The following SAMD12 variants were observed in gnomAD, a reference collection of about 807,000 sequenced individuals.
SAMD12 encodes sterile alpha motif domain-containing protein 12.
A neutral mutation model predicts 15.0 loss-of-function variants in SAMD12; 9 were observed. That is an observed-to-expected ratio of 0.60 (90% CI 0.36 to 1.05). SAMD12 has a LOEUF of 1.05. Ranked by LOEUF, SAMD12 falls within the 50% of genes least tolerant of loss-of-function variation. SAMD12 has a pLI of 0.01. For synonymous variants in SAMD12, 86 were observed against 90.1 expected (o/e 0.96, Z 0.25); for missense variants, 230 against 234.2 (o/e 0.98, Z 0.12).
intron 2 of SAMD12, among the ~76,000 whole-genome samples, chr8:118,495,010 A>C (rs1014022492): frequency 2.6e-5 from 4 of 152,202 alleles, no homozygotes; most frequent in African/African-American, 9.6e-5. Context: ...GGGGATATGA[A>C]AGTCTGTATA....
At chr8:118,619,309 C>G (rs894253270) in intron 1 of SAMD12, among the ~76,000 whole-genome samples, 1 of 151,926 alleles carries the variant, frequency 6.6e-6, no homozygotes, top group Admixed American at 6.6e-5. Context: ...AACTCCGTCT[C>G]TACTAAAAAT....
the SAMD12 span, among the ~76,000 whole-genome samples, chr8:118,161,927 A>T: frequency 6.6e-6 from 1 of 151,924 alleles, no homozygotes. Context: ...TGGGAGGCCC[A>T]GGCGGGTGGA....
chr8:118,249,013 T>A (rs1232997457), intron 4 of SAMD12, among the ~76,000 whole-genome samples: 2 of 152,170 alleles, frequency 1.3e-5, no homozygotes, highest in Non-Finnish European at 2.9e-5. Flanking sequence ...AATCTGTGAA[T>A]GCTCAAGTTC....
intron 2 of SAMD12, among the ~76,000 whole-genome samples, chr8:118,572,831 C>T (rs1827053509): frequency 6.6e-6 from 1 of 151,942 alleles, no homozygotes; most frequent in Admixed American, 6.6e-5. Context: ...TGTTTCCCCA[C>T]CCAAAATCTC....
At chr8:118,501,090 A>C (rs1425082993) in intron 2 of SAMD12, among the ~76,000 whole-genome samples, 1 of 152,138 alleles carries the variant, frequency 6.6e-6, no homozygotes, top group African/African-American at 2.4e-5. Flanking sequence ...TTGTCTTCAT[A>C]TGGCCCCTGA....
At chr8:118,208,409 A>G (rs1819928143) in intron 4 of SAMD12, among the ~76,000 whole-genome samples, 1 of 152,258 alleles carries the variant, frequency 6.6e-6, no homozygotes, top group African/African-American at 2.4e-5. Flanking sequence ...TCACCTGGGT[A>G]TCTTGTTAAA....
the SAMD12 span, among the ~76,000 whole-genome samples, chr8:118,165,924 C>T: frequency 3.9e-5 from 6 of 152,078 alleles, no homozygotes; most frequent in African/African-American, 4.8e-5. Context: ...GAAAAAGGTC[C>T]GCTTTTTTGT....
At chr8:118,348,145 C>T (rs1038183023) in intron 4 of SAMD12, among the ~76,000 whole-genome samples, 17 of 152,158 alleles carry the variant, frequency 1.1e-4, no homozygotes, top group African/African-American at 3.6e-4. Context: ...GGTGCCCTCT[C>T]GGCTCACTGC....
At chr8:118,350,687 T>A (rs1319138216) in intron 4 of SAMD12, among the ~76,000 whole-genome samples, 1 of 152,350 alleles carries the variant, frequency 6.6e-6, no homozygotes, top group East Asian at 1.9e-4. Flanking sequence ...AGTGAATGAC[T>A]ACCTATATAT....
rs182887962 is a variant in SAMD12 at position 118,252,681 on chromosome 8, T to G, written c.434-54949A>C. On this transcript the variant is annotated intron_variant, in intron 4 of 4. Transcript: ENST00000409003. ...CTTCCTCTTTCTCTTTCTCCCACTT[T>G]ATCTCCTCCCACCCTTTCCTGTCTT... Among the ~76,000 whole-genome samples, 143 of 152,178 alleles carry G rather than the reference T, an allele frequency of 9.4e-4. 1 individual carries two copies. The highest frequency in any genetic ancestry group is 1.4e-3 in the African/African-American group (60 of 41,524).
At chr8:118,562,044 T>A (rs1283391140) in intron 2 of SAMD12, among the ~76,000 whole-genome samples, 1 of 152,212 alleles carries the variant, frequency 6.6e-6, no homozygotes, top group Non-Finnish European at 1.5e-5. Flanking sequence ...ACAGCATTTT[T>A]AAAAAGGACC....
intron 4 of SAMD12, among the ~76,000 whole-genome samples, chr8:118,321,851 C>T (rs1478238538): frequency 6.6e-6 from 1 of 152,124 alleles, no homozygotes; most frequent in Non-Finnish European, 1.5e-5. Context: ...ATAATAAGCC[C>T]TCTCACAGGT....
intron 2 of SAMD12, among the ~76,000 whole-genome samples, chr8:118,483,674 A>G (rs1586753775): frequency 6.6e-6 from 1 of 152,314 alleles, no homozygotes; most frequent in Non-Finnish European, 1.5e-5. Flanking sequence ...AAATTCTTAC[A>G]TGCATGAAGA....
At chr8:118,528,833 G>T (rs1825604977) in intron 2 of SAMD12, among the ~76,000 whole-genome samples, 1 of 152,134 alleles carries the variant, frequency 6.6e-6, no homozygotes, top group Non-Finnish European at 1.5e-5. Flanking sequence ...GCAGACCATG[G>T]GGTCTCCTTT....
At chr8:118,487,326 A>T (rs1824318532) in intron 2 of SAMD12, among the ~76,000 whole-genome samples, 1 of 152,210 alleles carries the variant, frequency 6.6e-6, no homozygotes, top group Admixed American at 6.5e-5. Context: ...TTTGAAAGGA[A>T]TTCAGGGGAA....
chr8:118,264,627 G>A (rs530780518), intron 4 of SAMD12, among the ~76,000 whole-genome samples: 3 of 152,218 alleles, frequency 2.0e-5, no homozygotes, highest in African/African-American at 7.2e-5. Context: ...GCTAGAGTGA[G>A]GATGGAAGTC....
chr8:118,596,803 T>C (rs985599871), intron 1 of SAMD12, among the ~76,000 whole-genome samples: 4 of 152,208 alleles, frequency 2.6e-5, no homozygotes, highest in Non-Finnish European at 5.9e-5. Context: ...ATGTGGTCCA[T>C]GCCTACGAAA....
intron 2 of SAMD12, among the ~76,000 whole-genome samples, chr8:118,532,061 G>A (rs369852270): frequency 1.3e-5 from 2 of 152,070 alleles, no homozygotes; most frequent in Admixed American, 6.5e-5. Flanking sequence ...ATTGGCTGTG[G>A]GTTTGTCATA....
chr8:118,312,282 A>C (rs1006821119), intron 4 of SAMD12, among the ~76,000 whole-genome samples: 1 of 152,146 alleles, frequency 6.6e-6, no homozygotes, highest in Non-Finnish European at 1.5e-5. Flanking sequence ...TCAAATATAA[A>C]CACCCTCTGA....
Sources: allele counts gnomAD v4.1 joint callset (sites outside exome capture counted in the v4.1 genomes callset), GRCh38; gene constraint gnomAD v4.1.1; transcripts MANE v1.5; gene names NCBI Gene and HGNC (gene_info 2026-07-23, HGNC 2026-07-21).